Variants in RBBP4 observed in about 807,000 individuals in gnomAD.
RBBP4 encodes histone-binding protein RBBP4.
Under a neutral mutation model 57.2 loss-of-function variants are expected in RBBP4, and 3 were observed. That is an observed-to-expected ratio of 0.05 (90% CI 0.02 to 0.14). The LOEUF (loss-of-function observed/expected upper bound fraction) is 0.14. Among genes scored for constraint, RBBP4 ranks in the 10% least tolerant of loss-of-function variants. The pLI is 1.00. For synonymous variants in RBBP4, 151 were observed against 171.5 expected (o/e 0.88, Z 0.93); for missense variants, 107 against 520.6 (o/e 0.21, Z 7.73).
At chr1:32,657,264 A>G (rs1648185565) in intron 2 of RBBP4, among the ~76,000 whole-genome samples, 163 bp from the exon 3 acceptor site, 1 of 152,178 alleles carries the variant, frequency 6.6e-6, no homozygotes. Flanking sequence ...CGAAAGAGTG[A>G]GACTCTATTT....
chr1:32,669,367 GTTTAT>G lies in RBBP4; in HGVS notation c.888+15_888+19del. The G allele has an allele frequency of 6.3e-7, 1 of 1,589,494 alleles. No individual in the cohort carries two copies. Among genetic ancestry groups the G allele is most frequent in the Admixed American group, 1.9e-5 (1 of 52,776 alleles). On this transcript the variant is annotated intron_variant, in intron 7 of 11. Coordinates refer to ENST00000373493, the MANE Select transcript of RBBP4 (RefSeq NM_005610.3). The surrounding 1 kb of genome is among the most constrained non-coding windows in gnomAD (Gnocchi z 4.9). ...AGGATCAGCTGACAAGGTCAGTTTC[GTTTAT>G]TTTAATAGAAAACATAATTTCTCTA...
chr1:32,685,192 C>G lies in RBBP4; in HGVS notation c.*5487C>G, dbSNP rs1218474404. The G allele has an allele frequency of 3.9e-5, 6 of 152,128 alleles. No homozygotes were observed. Among genetic ancestry groups the G allele is most frequent in the South Asian group, 2.1e-4 (1 of 4,824 alleles). 9.4% of individuals were successfully genotyped at this position (152,128 alleles called of 1,614,324 possible). ...ACAAAAAGACTGAATTTGGTTAGTTCTAAGTTGGAAGATAAAGATGGTATG... is the reference window on the plus strand; with the variant it reads ...ACAAAAAGACTGAATTTGGTTAGTTGTAAGTTGGAAGATAAAGATGGTATG... On this transcript the variant is annotated 3_prime_UTR_variant, in exon 12 of 12. Coordinates refer to ENST00000373493, the MANE Select transcript of RBBP4 (RefSeq NM_005610.3).
rs1236631449 is a variant in RBBP4, at chr1:32,683,473, C to T, written c.*3768C>T. ...GGATGAGGAAACAAGATGCCCAAAG[C>T]CTAGATGCCACAGAATTCATGGTGA... On this transcript the variant is annotated 3_prime_UTR_variant, in exon 12 of 12. Transcript: ENST00000373493. 2 of 152,306 alleles carry T rather than the reference C, an allele frequency of 1.3e-5. No individual in the cohort carries two copies. Among genetic ancestry groups the T allele is most frequent in the Non-Finnish European group, 2.9e-5 (2 of 68,226 alleles). The allele number at this position is 152,306 out of a possible 1,614,324, so 9.4% of individuals were successfully genotyped here. A position where few individuals can be genotyped will look rare whatever the true frequency, so the allele number is the denominator to read the frequency against.
In RBBP4 at chr1:32,675,469, C is replaced by T. The variant is rs561896564; in HGVS notation, c.1212+2568C>T. 3.3e-5 allele frequency among the ~76,000 whole-genome samples: 5 copies of T among 151,700 alleles called. No individual in the cohort carries two copies. In the South Asian group the frequency reaches 1.0e-3, roughly 32 times the overall value. On this transcript the variant is annotated intron_variant, in intron 11 of 11. Coordinates refer to ENST00000373493, the MANE Select transcript of RBBP4 (RefSeq NM_005610.3). ...ACAACATTCATACTTTGTAACATTA[C>T]TTATCAAAAAGAAGGATGGGCCAGG...
chr1:32,659,840 A>G (rs1212918499), intron 3 of RBBP4, among the ~76,000 whole-genome samples: 2 of 152,180 alleles, frequency 1.3e-5, no homozygotes, highest in East Asian at 3.8e-4. Flanking sequence ...CCTTACTGAT[A>G]GACATTTAGA....
At chr1:32,659,627 A>G (rs1570842059) in intron 3 of RBBP4, among the ~76,000 whole-genome samples, 1 of 151,948 alleles carries the variant, frequency 6.6e-6, no homozygotes, top group South Asian at 2.1e-4. Context: ...ATTGTGATGT[A>G]TTGTTTTCTG....
rs958905995 is a variant in RBBP4, at chr1:32,677,930, G to C, written c.1213-1710G>C. ...TTTTGCTCCTGTGAAAGTGGTTCCTGTATTTTAAGATTATGCCGTTGGATA... is the reference window on the plus strand; with the variant it reads ...TTTTGCTCCTGTGAAAGTGGTTCCTCTATTTTAAGATTATGCCGTTGGATA... On this transcript the variant is annotated intron_variant, in intron 11 of 11. Coordinates refer to ENST00000373493, the MANE Select transcript of RBBP4 (RefSeq NM_005610.3). Among the ~76,000 whole-genome samples, 3 of 152,264 alleles carry C rather than the reference G, an allele frequency of 2.0e-5. No individual in the cohort carries two copies. The South Asian group carries it at 6.2e-4, about 32-fold the overall frequency.
chr1:32,682,475 A>T lies in RBBP4; in HGVS notation c.*2770A>T. 6.6e-6 allele frequency: 1 copy of T among 152,238 alleles called. No homozygotes were observed. The highest frequency in any genetic ancestry group is 2.4e-5 in the African/African-American group (1 of 41,434). 9.4% of individuals were successfully genotyped at this position (152,238 alleles called of 1,614,324 possible). A position where few individuals can be genotyped will look rare whatever the true frequency, so the allele number is the denominator to read the frequency against. On this transcript the variant is annotated 3_prime_UTR_variant, in exon 12 of 12. Coordinates refer to ENST00000373493, the MANE Select transcript of RBBP4 (RefSeq NM_005610.3). ...AAATCCTAGAAAATTAGAAAAAGCA[A>T]CAATAGTTACTTGTGGGCCAGGCGC...
At position 32,684,767 on chromosome 1, in the gene RBBP4, A is replaced by C. The variant is rs1417182997; in HGVS notation, c.*5062A>C. On this transcript the variant is annotated 3_prime_UTR_variant, in exon 12 of 12. Coordinates refer to ENST00000373493, the MANE Select transcript of RBBP4 (RefSeq NM_005610.3). The stretch of plus-strand genomic sequence containing the variant: ...GTTAAGATAATTGGTAGTTTTTAAT[A>C]ATATAAAATACTTAAGTTGAAATAC... 1 of 160,866 alleles carries C rather than the reference A, an allele frequency of 6.2e-6. No individual in the cohort carries two copies. The highest frequency in any genetic ancestry group is 2.4e-5 in the African/African-American group (1 of 41,642). The allele number at this position is 160,866 out of a possible 1,614,324, so 10.0% of individuals were successfully genotyped here. A position where few individuals can be genotyped will look rare whatever the true frequency, so the allele number is the denominator to read the frequency against.
At chr1:32,661,345 A>T (rs1323761302) in intron 3 of RBBP4, among the ~76,000 whole-genome samples, 7 of 123,934 alleles carry the variant, frequency 5.6e-5, no homozygotes, top group Non-Finnish European at 1.1e-4. Flanking sequence ...TTGTTGCTGG[A>T]GTAAAGTGGC....
rs1426692057 is a variant in RBBP4, at chr1:32,681,265, A to G, written c.*1560A>G. On this transcript the variant is annotated 3_prime_UTR_variant, in exon 12 of 12. Coordinates refer to ENST00000373493, the MANE Select transcript of RBBP4 (RefSeq NM_005610.3). Reference sequence around the variant, plus strand: ...TCTCAAATGGTTTCTTTTCAAGTCTAGTTGTTTTAGAGTATAGTGAGAAAT... The same window carrying G: ...TCTCAAATGGTTTCTTTTCAAGTCTGGTTGTTTTAGAGTATAGTGAGAAAT... 6.6e-6 allele frequency: 1 copy of G among 152,532 alleles called. No individual in the cohort carries two copies. Among genetic ancestry groups the G allele is most frequent in the Admixed American group, 6.5e-5 (1 of 15,292 alleles). The allele number at this position is 152,532 out of a possible 1,614,324, so 9.4% of individuals were successfully genotyped here. A position where few individuals can be genotyped will look rare whatever the true frequency, so the allele number is the denominator to read the frequency against.
Position 32,669,148 on chromosome 1 carries a change from T to C in RBBP4, c.761+16T>C, listed in dbSNP as rs748969873. On this transcript the variant is annotated intron_variant, in intron 6 of 11. Coordinates refer to ENST00000373493, the MANE Select transcript of RBBP4 (RefSeq NM_005610.3). This position sits in a 1 kb window ranked among gnomAD's most constrained non-coding sequence, Gnocchi z 4.9. ...AACTTATGATGTGAGTAGAATCCAT[T>C]CAGAGTTTCTAAATATCTTGTCTAA... 1 of 1,613,260 alleles carries C rather than the reference T, an allele frequency of 6.2e-7. No individual in the cohort carries two copies. Among genetic ancestry groups the C allele is most frequent in the South Asian group, 1.1e-5 (1 of 90,922 alleles).
intron 2 of RBBP4, among the ~76,000 whole-genome samples, chr1:32,652,789 G>A (rs574738145): frequency 7.2e-5 from 11 of 151,840 alleles, no homozygotes; most frequent in African/African-American, 2.7e-4. Flanking sequence ...CTGGTGATCC[G>A]CCCGCCTCTG....
chr1:32,652,839 C>T (rs1647929450), intron 2 of RBBP4, among the ~76,000 whole-genome samples: 2 of 152,342 alleles, frequency 1.3e-5, no homozygotes, highest in African/African-American at 4.8e-5. Flanking sequence ...AGCCACTGCA[C>T]CTGGCCTCAA....
At chr1:32,661,028 G>T (rs1648381716) in intron 3 of RBBP4, among the ~76,000 whole-genome samples, 1 of 151,860 alleles carries the variant, frequency 6.6e-6, no homozygotes, top group East Asian at 1.9e-4. Flanking sequence ...GCCCAGGCTG[G>T]TCTGAAAACT....
At chr1:32,661,870 C>CTTTTTTTTTTTTTTTTTTTT (rs71006354) in intron 3 of RBBP4, among the ~76,000 whole-genome samples, 1 of 49,308 alleles carries the variant, frequency 2.0e-5, no homozygotes, top group African/African-American at 9.0e-5. Flanking sequence ...CCTTTGCCCA[C>CTTTTTTTTTTTTTTTTTTTT]TTTTTTTTTT....
In RBBP4 at chr1:32,684,034, C is replaced by T. The variant is rs763708856; in HGVS notation, c.*4329C>T. 6.2e-7 allele frequency: 1 copy of T among 1,614,204 alleles called. No homozygotes were observed. The highest frequency in any genetic ancestry group is 1.1e-5 in the South Asian group (1 of 91,080). ...CCTTGAGACTGTGTCTCCATTCCAC[C>T]TGCCTGAGAAGTGGGAGCATCAGCC... On this transcript the variant is annotated 3_prime_UTR_variant, in exon 12 of 12. Coordinates refer to ENST00000373493, the MANE Select transcript of RBBP4 (RefSeq NM_005610.3).
chr1:32,663,845 C>T lies in RBBP4; in HGVS notation c.311-4380C>T, dbSNP rs554896984. Among the ~76,000 whole-genome samples, 38 of 152,070 alleles carry T rather than the reference C, an allele frequency of 2.5e-4. No individual in the cohort carries two copies. The Middle Eastern group carries it at 0.01, about 41-fold the overall frequency. On this transcript the variant is annotated intron_variant, in intron 3 of 11. Transcript: ENST00000373493. ...CCTGCCTCGGCCTCTCAAAGTGCTG[C>T]GATTACAGGCTTGAGCCACCACGCC... is the stretch of plus-strand genomic sequence containing the variant.
At chr1:32,666,399 C>T (rs1648647863) in intron 3 of RBBP4, among the ~76,000 whole-genome samples, 1 of 151,486 alleles carries the variant, frequency 6.6e-6, no homozygotes, top group African/African-American at 2.4e-5. Flanking sequence ...TGCTCTGTGA[C>T]CCAGGCTGGA....
Sources: gnomAD v4.1 joint callset for allele counts (sites outside exome capture counted in the v4.1 genomes callset) on GRCh38, gnomAD v4.1.1 for gene constraint, Gnocchi (gnomAD v3.1) non-coding constraint, MANE v1.5 for transcripts, NCBI Gene and HGNC (gene_info 2026-07-23, HGNC 2026-07-21) for gene names.